The following CELF2 variants were observed in gnomAD, a reference collection of about 807,000 sequenced individuals.
CELF2 encodes the protein CUG triplet repeat RNA-binding protein 2.
A neutral mutation model predicts 62.6 loss-of-function variants in CELF2; 8 were observed. The ratio of observed to expected loss-of-function variants is 0.13; its 90% CI spans 0.07 to 0.23. CELF2 has a LOEUF of 0.23. CELF2 is among the 10% of genes least tolerant of loss of function. The probability of loss-of-function intolerance (pLI) is 1.00; values close to 1 mark genes in which losing one functional copy is unlikely to be tolerated. For synonymous variants in CELF2, 258 were observed against 250.0 expected (o/e 1.03, Z -0.30); for missense variants, 333 against 671.0 (o/e 0.50, Z 5.56).
chr10:11,226,744 C>T lies in CELF2; in HGVS notation c.354+9237C>T, dbSNP rs75802398. On this transcript the variant is annotated intron_variant, in intron 3 of 12. Transcript: ENST00000633077. ...TGCACAGGTCCTGAAAAACATTCAG[C>T]GAGCGAGGCAAGGTATTTGCTAGAG... 3.2e-3 allele frequency among the ~76,000 whole-genome samples: 480 copies of T among 152,260 alleles called. 1 individual carries two copies. Among genetic ancestry groups the T allele is most frequent in the African/African-American group, 0.011 (454 of 41,542 alleles).
chr10:11,131,605 A>G (rs1345086046), intron 1 of CELF2, among the ~76,000 whole-genome samples: 1 of 152,132 alleles, frequency 6.6e-6, no homozygotes, highest in Non-Finnish European at 1.5e-5. Flanking sequence ...TCGCATGTTT[A>G]TGTGCTACGT....
At chr10:10,564,918 G>A in the CELF2 span, among the ~76,000 whole-genome samples, 1 of 152,144 alleles carries the variant, frequency 6.6e-6, no homozygotes, top group Non-Finnish European at 1.5e-5. Flanking sequence ...GCCAGGCACT[G>A]TGGTAAGAGC....
intron 1 of CELF2, among the ~76,000 whole-genome samples, chr10:11,076,864 G>A (rs985797233): frequency 1.1e-4 from 16 of 152,192 alleles, no homozygotes; most frequent in African/African-American, 2.7e-4. Context: ...GGGATTGACT[G>A]TAGGGGAGCT....
At chr10:10,524,749 G>C in the CELF2 span, among the ~76,000 whole-genome samples, 2 of 151,902 alleles carry the variant, frequency 1.3e-5, no homozygotes, top group African/African-American at 4.8e-5. Context: ...ATGTTCTTTT[G>C]AGTTGAAAAA....
At chr10:10,635,908 A>G in the CELF2 span, among the ~76,000 whole-genome samples, 1 of 152,112 alleles carries the variant, frequency 6.6e-6, no homozygotes, top group Admixed American at 6.5e-5. Flanking sequence ...ATTACTGACA[A>G]CTCATGTTTT....
chr10:10,548,310 G>A, the CELF2 span, among the ~76,000 whole-genome samples: 1 of 152,156 alleles, frequency 6.6e-6, no homozygotes, highest in African/African-American at 2.4e-5. Flanking sequence ...TTGTTGTGTT[G>A]TTTCTTCCTG....
Position 10,928,069 on chromosome 10 carries a change from A to G in CELF2, c.89+8070A>G, listed in dbSNP as rs1249063361. Among the ~76,000 whole-genome samples the G allele has an allele frequency of 6.6e-6, 1 of 152,090 alleles. No individual in the cohort carries two copies. Among genetic ancestry groups the G allele is most frequent in the Non-Finnish European group, 1.5e-5 (1 of 67,992 alleles). On this transcript the variant is annotated intron_variant, in intron 2 of 13. Transcript: ENST00000636488. This position sits in a 1 kb window ranked among gnomAD's most constrained non-coding sequence, Gnocchi z 4.8. ...CCGGCCTTTCTCCGCACTTACTTCCACAGAAAGTTCTCCTTTCACCACCCT... is the reference window on the plus strand; with the variant it reads ...CCGGCCTTTCTCCGCACTTACTTCCGCAGAAAGTTCTCCTTTCACCACCCT...
rs944106919 is a variant in CELF2, at chr10:10,993,897, C to T, written c.89+73898C>T. Among the ~76,000 whole-genome samples the T allele has an allele frequency of 4.6e-5, 7 of 152,054 alleles. No individual in the cohort carries two copies. Among genetic ancestry groups the T allele is most frequent in the African/African-American group, 1.7e-4 (7 of 41,388 alleles). ...GCCCCAATCCAGTAGGACTAGTATC[C>T]TTATCAGAAAAAAAAGACACTAGAG... On this transcript the variant is annotated intron_variant, in intron 2 of 13. Transcript: ENST00000636488. This position sits in a 1 kb window ranked among gnomAD's most constrained non-coding sequence, Gnocchi z 5.3.
the CELF2 span, among the ~76,000 whole-genome samples, chr10:10,735,182 A>T: frequency 6.6e-6 from 1 of 152,238 alleles, no homozygotes; most frequent in African/African-American, 2.4e-5. Flanking sequence ...TATTAGTAAC[A>T]TCAGGATCCG....
chr10:10,580,153 G>A, the CELF2 span, among the ~76,000 whole-genome samples: 1 of 152,074 alleles, frequency 6.6e-6, no homozygotes, highest in African/African-American at 2.4e-5. Flanking sequence ...ACTAAAATGA[G>A]ACCATGAGTT....
the CELF2 span, among the ~76,000 whole-genome samples, chr10:10,468,962 C>A: frequency 6.6e-6 from 1 of 151,816 alleles, no homozygotes; most frequent in Admixed American, 6.6e-5. Context: ...CAAACTAGAT[C>A]CTCTTCAGAC....
intron 1 of CELF2, among the ~76,000 whole-genome samples, chr10:10,855,100 C>G (rs1405908609): frequency 6.6e-6 from 1 of 152,176 alleles, no homozygotes; most frequent in Non-Finnish European, 1.5e-5. Flanking sequence ...GAATTGTCAC[C>G]ACTTTGTGCC....
At chr10:10,783,494 T>C in the CELF2 span, among the ~76,000 whole-genome samples, 5 of 152,212 alleles carry the variant, frequency 3.3e-5, no homozygotes, top group African/African-American at 9.6e-5. Flanking sequence ...ACCGACACCA[T>C]GATCTTAGAC....
At chr10:10,887,161 T>A (rs1392773261) in intron 1 of CELF2, among the ~76,000 whole-genome samples, 1 of 151,810 alleles carries the variant, frequency 6.6e-6, no homozygotes, top group Admixed American at 6.6e-5. Context: ...TAAGCTCCAC[T>A]TGTAGAATGT....
rs1318069633 is a variant in CELF2 at position 10,811,655 on chromosome 10, G to T, written c.53+12838G>T. Among the ~76,000 whole-genome samples, 3 of 152,194 alleles carry T rather than the reference G, an allele frequency of 2.0e-5. 1 individual carries two copies. The highest frequency in any genetic ancestry group is 2.0e-4 in the Admixed American group (3 of 15,278). ...ATGACCTAAGAAAGGGAGGGCAGGG[G>T]CCTGTGTCAGGTATTGGCTGGAACA... On this transcript the variant is annotated intron_variant, in intron 1 of 13. Coordinates refer to the CELF2 transcript ENST00000636488.
At chr10:11,174,885 C>T (rs1238206001) in intron 2 of CELF2, among the ~76,000 whole-genome samples, 2 of 152,122 alleles carry the variant, frequency 1.3e-5, no homozygotes, top group East Asian at 1.9e-4. Context: ...ATAACGCAAA[C>T]ATCAGGGAGG....
At chr10:11,312,910 G>GA (rs2094650644) in intron 9 of CELF2, among the ~76,000 whole-genome samples, 1 of 152,176 alleles carries the variant, frequency 6.6e-6, no homozygotes, top group South Asian at 2.1e-4. Context: ...CTCCAGTCTG[G>GA]GCGACAGAGC....
At chr10:11,082,813 T>C (rs779471639) in intron 1 of CELF2, among the ~76,000 whole-genome samples, 5 of 152,202 alleles carry the variant, frequency 3.3e-5, no homozygotes, top group Non-Finnish European at 2.9e-5. Flanking sequence ...TCTATTGACT[T>C]CAAGATACCT....
At chr10:11,087,464 GC>G (rs2047124533) in intron 1 of CELF2, among the ~76,000 whole-genome samples, 1 of 152,204 alleles carries the variant, frequency 6.6e-6, no homozygotes, top group Non-Finnish European at 1.5e-5. Flanking sequence ...AAGGGAAGTA[GC>G]AACTGGCTTC....
Sources: gnomAD v4.1 joint callset for allele counts (sites outside exome capture counted in the v4.1 genomes callset) on GRCh38, gnomAD v4.1.1 for gene constraint, Gnocchi (gnomAD v3.1) non-coding constraint, MANE v1.5 for transcripts, NCBI Gene and HGNC (gene_info 2026-07-23, HGNC 2026-07-21) for gene names.